ADARB2: variants seen among roughly 807,000 people sequenced by gnomAD.
ADARB2 encodes the protein adenosine deaminase RNA specific B2 (inactive), also known as inactive double-stranded RNA-specific editase B2.
In ADARB2, 25 loss-of-function variants were observed where a neutral mutation model predicts 62.2. The observed-to-expected ratio is 0.40, with a 90% CI of 0.29 to 0.56. The LOEUF (loss-of-function observed/expected upper bound fraction) is 0.56. Among genes scored for constraint, ADARB2 ranks in the 20% least tolerant of loss-of-function variants. ADARB2 has a pLI of 0.43. For synonymous variants in ADARB2, 572 were observed against 500.8 expected, an observed-to-expected ratio of 1.14 and a Z score of -1.90; for missense variants, 1,071 against 1,077.4, an observed-to-expected ratio of 0.99 and a Z score of 0.08.
rs532592109 is a variant in ADARB2, at chr10:1,591,697, C to G, written c.100+145354G>C. On this transcript the variant is annotated intron_variant, in intron 1 of 9. Transcript: ENST00000381312. The stretch of plus-strand genomic sequence containing the variant: ...CACACACGCACACACTCACCAGGAC[C>G]CCCCCACCTGCCGCCGTCTTGTTGG... 7.9e-5 allele frequency among the ~76,000 whole-genome samples: 12 copies of G among 150,980 alleles called. No individual in the cohort carries two copies. In the South Asian group the frequency reaches 2.5e-3, roughly 32 times the overall value.
chr10:1,488,635 G>A (rs1831582600), intron 1 of ADARB2, among the ~76,000 whole-genome samples: 1 of 152,168 alleles, frequency 6.6e-6, no homozygotes, highest in African/African-American at 2.4e-5. Context: ...TAACACTGGG[G>A]AGACGTGAAA....
intron 1 of ADARB2, among the ~76,000 whole-genome samples, chr10:1,731,794 G>T (rs75812828): frequency 6.6e-6 from 1 of 152,066 alleles, no homozygotes; most frequent in African/African-American, 2.4e-5. Flanking sequence ...CCACAGAGAC[G>T]GCATCAACAC....
At chr10:1,446,443 T>G (rs2820604) in intron 1 of ADARB2, among the ~76,000 whole-genome samples, 140,215 of 152,312 alleles carry the variant, frequency 0.92, 64,591 homozygotes, top group Admixed American at 0.95. Context: ...TATGACACAG[T>G]TGTTACTATT....
chr10:1,479,471 C>T (rs1831441641), intron 1 of ADARB2, among the ~76,000 whole-genome samples: 1 of 152,126 alleles, frequency 6.6e-6, no homozygotes, highest in South Asian at 2.1e-4. Context: ...GGTAGAGCAG[C>T]TTGGAGTAGA....
rs149430328 is a variant in ADARB2 at position 1,433,450 on chromosome 10, T to C, written c.101-54290A>G. On this transcript the variant is annotated intron_variant, in intron 1 of 9. Transcript: ENST00000381312. ...AGGGAAGTGGATTAAAACGTGTGGA[T>C]AAGCTGCTGGGTCGAAGTCTCCTGC... Among the ~76,000 whole-genome samples, 50 of 152,296 alleles carry C rather than the reference T, an allele frequency of 3.3e-4. No individual in the cohort carries two copies. In the East Asian group the frequency reaches 8.3e-3, roughly 25 times the overall value.
At chr10:1,524,743 G>A (rs193140418) in intron 1 of ADARB2, among the ~76,000 whole-genome samples, 13 of 152,252 alleles carry the variant, frequency 8.5e-5, no homozygotes, top group Non-Finnish European at 1.3e-4. Context: ...GCACACGCGC[G>A]TGTGTTCATG....
intron 1 of ADARB2, among the ~76,000 whole-genome samples, chr10:1,492,900 G>A (rs1042247166): frequency 6.6e-6 from 1 of 152,082 alleles, no homozygotes; most frequent in African/African-American, 2.4e-5. Flanking sequence ...TTAAACACAG[G>A]TCGCTGCTGA....
At chr10:1,375,728 CA>C in intron 2 of ADARB2, among the ~76,000 whole-genome samples, 2 of 152,218 alleles carry the variant, frequency 1.3e-5, no homozygotes, top group Non-Finnish European at 2.9e-5. Context: ...TGTGCGTGCA[CA>C]CATGTGCACA....
intron 3 of ADARB2, among the ~76,000 whole-genome samples, chr10:1,350,708 G>A (rs1832128062): frequency 6.6e-6 from 1 of 152,102 alleles, no homozygotes; most frequent in Non-Finnish European, 1.5e-5. Context: ...TACAGCCCTA[G>A]ACCCTGAAAG....
intron 1 of ADARB2, among the ~76,000 whole-genome samples, chr10:1,410,160 G>A: frequency 6.8e-6 from 1 of 147,266 alleles, no homozygotes; most frequent in South Asian, 2.2e-4. Context: ...GCCTGGCTGT[G>A]GTCATGGTGC....
At chr10:1,241,204 G>A (rs1175262466) in intron 5 of ADARB2, among the ~76,000 whole-genome samples, 2 of 152,022 alleles carry the variant, frequency 1.3e-5, no homozygotes, top group Non-Finnish European at 2.9e-5. Context: ...GGTTGCAGTG[G>A]GCCAAGATAA....
chr10:1,719,411 CAATG>C (rs1835059971), intron 1 of ADARB2, among the ~76,000 whole-genome samples: 1 of 152,212 alleles, frequency 6.6e-6, no homozygotes, highest in Admixed American at 6.5e-5. Flanking sequence ...TCAGAAAAAA[CAATG>C]CCTTCTAAAT....
intron 8 of ADARB2, chr10:1,186,556 C>T (rs1309236364): frequency 1.9e-6 from 1 of 519,068 alleles, no homozygotes; most frequent in East Asian, 5.4e-5. Flanking sequence ...ATTCATGCCT[C>T]CTCGCAGATC....
intron 1 of ADARB2, among the ~76,000 whole-genome samples, chr10:1,714,831 G>A (rs773239486): frequency 1.6e-4 from 25 of 152,204 alleles, no homozygotes; most frequent in Non-Finnish European, 3.2e-4. Flanking sequence ...AGATGCTTCA[G>A]TGAAGCCTTA....
intron 4 of ADARB2, among the ~76,000 whole-genome samples, chr10:1,262,291 A>ATAC (rs1831147520): frequency 8.9e-6 from 1 of 112,476 alleles, no homozygotes. Context: ...TTAAAGTATA[A>ATAC]TAATAATAAT....
chr10:1,710,912 G>A lies in ADARB2; in HGVS notation c.100+26139C>T, dbSNP rs145428944. Among the ~76,000 whole-genome samples, 903 of 152,258 alleles carry A rather than the reference G, an allele frequency of 5.9e-3. 4 individuals are homozygous for A. Among genetic ancestry groups the A allele is most frequent in the Non-Finnish European group, 9.8e-3 (665 of 68,020 alleles). On this transcript the variant is annotated intron_variant, in intron 1 of 9. Transcript: ENST00000381312. ...CCACAGATGCTTCCCAGGCCTGTCC[G>A]GTGGTCCTGCAGGGTCAAATGTAAC...
intron 1 of ADARB2, among the ~76,000 whole-genome samples, chr10:1,563,315 C>T (rs1832812915): frequency 6.6e-6 from 1 of 152,098 alleles, no homozygotes; most frequent in African/African-American, 2.4e-5. Flanking sequence ...GCATCCTCCC[C>T]ACAAGATCTC....
At chr10:1,551,999 G>A (rs907685705) in intron 1 of ADARB2, among the ~76,000 whole-genome samples, 1 of 151,346 alleles carries the variant, frequency 6.6e-6, no homozygotes, top group African/African-American at 2.4e-5. Flanking sequence ...AGGCTGAGCG[G>A]CTCCAGGTGG....
At chr10:1,474,485 A>C (rs1831372375) in intron 1 of ADARB2, among the ~76,000 whole-genome samples, 1 of 152,192 alleles carries the variant, frequency 6.6e-6, no homozygotes, top group South Asian at 2.1e-4. Flanking sequence ...AGGGGGATGC[A>C]TCCCAGGAGG....
Sources: allele counts gnomAD v4.1 joint callset (sites outside exome capture counted in the v4.1 genomes callset), GRCh38; gene constraint gnomAD v4.1.1; transcripts MANE v1.5; gene names NCBI Gene and HGNC (gene_info 2026-07-23, HGNC 2026-07-21).